The following AGBL4 variants were observed in gnomAD, a reference collection of about 807,000 sequenced individuals.
AGBL4 encodes AGBL carboxypeptidase 4.
In AGBL4, 58 loss-of-function variants were observed where a neutral mutation model predicts 66.4. The observed-to-expected ratio is 0.87, with a 90% CI of 0.71 to 1.09. AGBL4 has a LOEUF of 1.09. Among genes scored for constraint, AGBL4 ranks in the 50% least tolerant of loss-of-function variants. The pLI is 0.00. For missense variants in AGBL4, 579 were observed against 631.0 expected (o/e 0.92, Z 0.88); for synonymous variants, 234 against 222.9 (o/e 1.05, Z -0.44).
chr1:49,236,292 T>C (rs975742632), intron 4 of AGBL4, among the ~76,000 whole-genome samples: 2 of 152,144 alleles, frequency 1.3e-5, no homozygotes, highest in Non-Finnish European at 2.9e-5. Flanking sequence ...TCTCCCAAAG[T>C]GCTGGGATTA....
At chr1:50,021,318 C>T (rs967536551) in intron 1 of AGBL4, among the ~76,000 whole-genome samples, 1 of 152,200 alleles carries the variant, frequency 6.6e-6, no homozygotes, top group Non-Finnish European at 1.5e-5. Flanking sequence ...CATCCACACC[C>T]ATGGCTTGAG....
intron 5 of AGBL4, among the ~76,000 whole-genome samples, chr1:48,892,615 G>T (rs1006119458): frequency 6.6e-6 from 1 of 152,186 alleles, no homozygotes; most frequent in African/African-American, 2.4e-5. Context: ...GGGCTTCAGG[G>T]CACAGGTAGG....
chr1:49,294,003 C>T (rs1237099799), intron 3 of AGBL4, among the ~76,000 whole-genome samples: 1 of 152,116 alleles, frequency 6.6e-6, no homozygotes, highest in Non-Finnish European at 1.5e-5. Flanking sequence ...AATGTTTTAC[C>T]CTCTATGGTT....
intron 6 of AGBL4, among the ~76,000 whole-genome samples, chr1:48,684,190 G>T (rs1646496196): frequency 6.6e-6 from 1 of 152,220 alleles, no homozygotes; most frequent in Admixed American, 6.5e-5. Context: ...TCTGTGCTGA[G>T]CATCACAAAG....
intron 11 of AGBL4, among the ~76,000 whole-genome samples, chr1:48,562,214 A>G (rs565033072): frequency 5.3e-5 from 8 of 152,124 alleles, no homozygotes; most frequent in Non-Finnish European, 1.0e-4. Flanking sequence ...TCTGCTGTTG[A>G]TTATTGTTTT....
At chr1:48,592,148 A>G (rs946994363) in intron 9 of AGBL4, among the ~76,000 whole-genome samples, 1 of 152,214 alleles carries the variant, frequency 6.6e-6, no homozygotes, top group East Asian at 1.9e-4. Flanking sequence ...GGACTTGACC[A>G]AGCTCACAGA....
intron 4 of AGBL4, among the ~76,000 whole-genome samples, chr1:49,164,366 C>T (rs1254755443): frequency 6.6e-6 from 1 of 152,098 alleles, no homozygotes; most frequent in African/African-American, 2.4e-5. Context: ...TACATTAAAA[C>T]CTCTATCCCC....
intron 2 of AGBL4, among the ~76,000 whole-genome samples, chr1:49,773,535 T>C (rs1018098192): frequency 6.6e-6 from 1 of 152,190 alleles, no homozygotes; most frequent in Non-Finnish European, 1.5e-5. Context: ...TGTAACAGAT[T>C]CTTCAGCTGT....
At chr1:48,929,939 G>A (rs1288546487) in intron 5 of AGBL4, among the ~76,000 whole-genome samples, 1 of 152,112 alleles carries the variant, frequency 6.6e-6, no homozygotes, top group Non-Finnish European at 1.5e-5. Context: ...GGCCTCCTGG[G>A]ATGTGCTACC....
chr1:48,650,236 C>T (rs1269482774), intron 8 of AGBL4, among the ~76,000 whole-genome samples: 1 of 152,222 alleles, frequency 6.6e-6, no homozygotes, highest in Non-Finnish European at 1.5e-5. Context: ...CTGCCCGCTC[C>T]TCACAGGCCA....
chr1:49,078,709 C>G (rs558294788), intron 4 of AGBL4, among the ~76,000 whole-genome samples: 1 of 152,150 alleles, frequency 6.6e-6, no homozygotes, highest in African/African-American at 2.4e-5. Flanking sequence ...TCTACAGCCT[C>G]TCTGCCCAAA....
At chr1:49,860,526 C>A (rs531220597) in intron 1 of AGBL4, among the ~76,000 whole-genome samples, 6 of 152,246 alleles carry the variant, frequency 3.9e-5, no homozygotes, top group South Asian at 4.1e-4. Context: ...AGCAAAACTG[C>A]ATCTCAACGA....
chr1:49,964,822 T>C (rs915117890), intron 1 of AGBL4, among the ~76,000 whole-genome samples: 2 of 152,188 alleles, frequency 1.3e-5, no homozygotes, highest in South Asian at 4.1e-4. Flanking sequence ...TTATTGACTA[T>C]GGTTAAGATG....
At chr1:48,865,796 G>T (rs1228850056) in intron 6 of AGBL4, among the ~76,000 whole-genome samples, 1 of 152,082 alleles carries the variant, frequency 6.6e-6, no homozygotes, top group South Asian at 2.1e-4. Flanking sequence ...CAGGCAATAT[G>T]GACAGTGTAT....
Position 48,867,182 on chromosome 1 carries a change from C to G in AGBL4, c.634+9G>C. ...GAAAAGCAAAGGCAGAAGGGCCACGCCTACTCACCAGGGCTGGTTATCGTC... is the reference window on the plus strand; with the variant it reads ...GAAAAGCAAAGGCAGAAGGGCCACGGCTACTCACCAGGGCTGGTTATCGTC... On this transcript the variant is annotated intron_variant, in intron 6 of 13. Transcript: ENST00000371839. 6.2e-7 allele frequency: 1 copy of G among 1,613,426 alleles called. No individual in the cohort carries two copies. The highest frequency in any genetic ancestry group is 8.5e-7 in the Non-Finnish European group (1 of 1,179,674).
intron 3 of AGBL4, among the ~76,000 whole-genome samples, chr1:49,258,867 A>C (rs892651239): frequency 2.0e-5 from 3 of 152,184 alleles, no homozygotes; most frequent in Non-Finnish European, 2.9e-5. Flanking sequence ...GATTCACCAA[A>C]GTTGCAATGA....
At chr1:49,517,606 C>T (rs1390144268) in intron 3 of AGBL4, among the ~76,000 whole-genome samples, 3 of 152,004 alleles carry the variant, frequency 2.0e-5, no homozygotes, top group Middle Eastern at 3.4e-3. Context: ...GAAGTACTGT[C>T]TCACTTAATA....
At chr1:48,611,174 G>A (rs1393054836) in intron 9 of AGBL4, among the ~76,000 whole-genome samples, 1 of 152,228 alleles carries the variant, frequency 6.6e-6, no homozygotes, top group Non-Finnish European at 1.5e-5. Flanking sequence ...CCCTCTGGCA[G>A]CCTGACAAAT....
At chr1:49,086,156 C>T (rs1644903542) in intron 4 of AGBL4, among the ~76,000 whole-genome samples, 1 of 151,804 alleles carries the variant, frequency 6.6e-6, no homozygotes, top group African/African-American at 2.4e-5. Flanking sequence ...ATAGGCAATA[C>T]CTGCTAGAGC....
Sources: allele counts gnomAD v4.1 joint callset (sites outside exome capture counted in the v4.1 genomes callset), GRCh38; gene constraint gnomAD v4.1.1; transcripts MANE v1.5; gene names NCBI Gene and HGNC (gene_info 2026-07-23, HGNC 2026-07-21).